GABPB2: variants seen among roughly 807,000 people sequenced by gnomAD.
GABPB2 encodes the protein GA binding protein transcription factor subunit beta 2.
In GABPB2, 23 loss-of-function variants were observed where a neutral mutation model predicts 39.1. The observed-to-expected ratio is 0.59, with a 90% CI of 0.42 to 0.83. The LOEUF (loss-of-function observed/expected upper bound fraction) is 0.83, where lower values mean the gene tolerates loss of function less well. Ranked by LOEUF, GABPB2 falls within the 40% of genes least tolerant of loss-of-function variation. The pLI, the probability that GABPB2 is intolerant of heterozygous loss-of-function variation, is 0.00. For synonymous variants in GABPB2, 184 were observed against 199.3 expected, an observed-to-expected ratio of 0.92 and a Z score of 0.65; for missense variants, 467 against 541.1, an observed-to-expected ratio of 0.86 and a Z score of 1.36.
At chr1:151,100,143 CTTT>C (rs587754459) in intron 5 of GABPB2, among the ~76,000 whole-genome samples, 6 of 138,832 alleles carry the variant, frequency 4.3e-5, no homozygotes, top group Admixed American at 1.4e-4. Flanking sequence ...ATTAAAACAA[CTTT>C]TTTTTTTTTT....
At position 151,122,925 on chromosome 1, in the gene GABPB2, C is replaced by T. The variant is rs1298057581; in HGVS notation, c.*4669C>T. On this transcript the variant is annotated 3_prime_UTR_variant, in exon 9 of 9. Transcript: ENST00000368918. Reference sequence around the variant, plus strand: ...TTACTCGGAACGGTCCTCTTGGCATCCCAGATAAGGGAAATAGGATTTGAT... The same window carrying T: ...TTACTCGGAACGGTCCTCTTGGCATTCCAGATAAGGGAAATAGGATTTGAT... 2 of 151,854 alleles carry T rather than the reference C, an allele frequency of 1.3e-5. No homozygotes were observed. Among genetic ancestry groups the T allele is most frequent in the African/African-American group, 4.8e-5 (2 of 41,336 alleles). The allele number at this position is 151,854 out of a possible 1,614,324, so 9.4% of individuals were successfully genotyped here.
At chr1:151,104,758 A>ACTTTCTTTCTTTCT (rs1371571135) in intron 6 of GABPB2, among the ~76,000 whole-genome samples, 1 of 92,558 alleles carries the variant, frequency 1.1e-5, no homozygotes, top group Non-Finnish European at 2.4e-5. Context: ...TCTATCTGTG[A>ACTTTCTTTCTTTCT]CTCTTTCTTT....
intron 4 of GABPB2, among the ~76,000 whole-genome samples, chr1:151,096,730 T>C (rs1372853385): frequency 1.3e-5 from 2 of 152,184 alleles, no homozygotes; most frequent in African/African-American, 2.4e-5. Context: ...TTGTTATATA[T>C]TCTCTCAGGA....
intron 1 of GABPB2, 46 bp downstream of exon 1, chr1:151,070,980 C>G (rs1676655506): frequency 6.6e-6 from 1 of 152,124 alleles, no homozygotes; most frequent in African/African-American, 2.4e-5. Flanking sequence ...GGCGTCAGGG[C>G]TGGAAAGGAA....
rs888755509 is a variant in GABPB2 at position 151,122,394 on chromosome 1, T to C, written c.*4138T>C. ...AATCTTTTCCTGTTTGCAATGTTTT[T>C]ATTTTTTCTGAGTCCCTTTGGGAAC... On this transcript the variant is annotated 3_prime_UTR_variant, in exon 9 of 9. Transcript: ENST00000368918. The C allele has an allele frequency of 7.2e-5, 11 of 152,198 alleles. No homozygotes were observed. Among genetic ancestry groups the C allele is most frequent in the Non-Finnish European group, 1.5e-4 (10 of 68,036 alleles). 9.4% of individuals were successfully genotyped at this position (152,198 alleles called of 1,614,324 possible). A position where few individuals can be genotyped will look rare whatever the true frequency, so the allele number is the denominator to read the frequency against.
rs1476591871 is a variant in GABPB2 at position 151,090,464 on chromosome 1, T to C, written c.167T>C (p.Val56Ala). The change falls in exon 3 of 9, where the codon GTA (valine) becomes GCA (alanine). Residue 56 changes from valine (V) to alanine (A), a missense_variant. Transcript: ENST00000368918. The part of the protein sequence containing the change: ...AQYGHYSTAE[V>A]LLRAGVSRDA... ...TATGGTCATTATTCCACAGCAGAAGTACTCCTTCGAGCAGGTGTTAGCAGG... is the reference window on the plus strand; with the variant it reads ...TATGGTCATTATTCCACAGCAGAAGCACTCCTTCGAGCAGGTGTTAGCAGG... 5.0e-6 allele frequency: 8 copies of C among 1,613,960 alleles called. No homozygotes were observed. The highest frequency in any genetic ancestry group is 3.3e-4 in the Middle Eastern group (2 of 6,084).
intron 1 of GABPB2, among the ~76,000 whole-genome samples, chr1:151,085,769 C>T (rs997352695): frequency 6.6e-6 from 1 of 152,134 alleles, no homozygotes; most frequent in African/African-American, 2.4e-5. Flanking sequence ...GTTATTTTAG[C>T]TTGTAACTTA....
chr1:151,080,583 C>T (rs1321492628), intron 1 of GABPB2, among the ~76,000 whole-genome samples: 1 of 150,770 alleles, frequency 6.6e-6, no homozygotes, highest in African/African-American at 2.4e-5. Context: ...TACAGTGGCT[C>T]ACGCCTGTAA....
chr1:151,105,470 A>C (rs1056255077), intron 6 of GABPB2, among the ~76,000 whole-genome samples: 4 of 149,170 alleles, frequency 2.7e-5, no homozygotes, highest in African/African-American at 9.8e-5. Flanking sequence ...TATTTGATAT[A>C]CATTTAATAT....
intron 7 of GABPB2, among the ~76,000 whole-genome samples, chr1:151,117,098 T>A (rs1376417459): frequency 1.3e-5 from 2 of 152,196 alleles, no homozygotes; most frequent in Non-Finnish European, 2.9e-5. Flanking sequence ...ATGCCTTACC[T>A]GTTGATTCGA....
chr1:151,098,088 C>A, intron 5 of GABPB2, 86 bp downstream of exon 5: 2 of 1,067,200 alleles, frequency 1.9e-6, no homozygotes, highest in Non-Finnish European at 1.4e-6. Flanking sequence ...GATACCCTTT[C>A]TAATACTCCT....
chr1:151,094,602 G>A (rs1678970705), intron 4 of GABPB2, among the ~76,000 whole-genome samples: 1 of 150,986 alleles, frequency 6.6e-6, no homozygotes, highest in South Asian at 2.1e-4. Flanking sequence ...GCCTGCCTCG[G>A]CCTCCCAAAG....
At position 151,123,060 on chromosome 1, in the gene GABPB2, T is replaced by G. The variant is rs1381652830; in HGVS notation, c.*4804T>G. ...ATACCATTTCATGACTTTGCATATC[T>G]TTCTGGATTAGTCATGGAAGTTGGG... On this transcript the variant is annotated 3_prime_UTR_variant, in exon 9 of 9. Coordinates refer to ENST00000368918, the MANE Select transcript of GABPB2 (RefSeq NM_144618.3). 1 of 152,248 alleles carries G rather than the reference T, an allele frequency of 6.6e-6. No individual in the cohort carries two copies. Among genetic ancestry groups the G allele is most frequent in the African/African-American group, 2.4e-5 (1 of 41,470 alleles). 9.4% of individuals were successfully genotyped at this position (152,248 alleles called of 1,614,324 possible).
At position 151,120,526 on chromosome 1, in the gene GABPB2, G is replaced by T. The variant is rs1681145811; in HGVS notation, c.*2270G>T. ...ACTCAATTAAAAAAAAAATAGAAAA[G>T]AAAGAAAACTTGTTTATGTGGGAGG... is the stretch of plus-strand genomic sequence containing the variant. On this transcript the variant is annotated 3_prime_UTR_variant, in exon 9 of 9. Transcript: ENST00000368918. The T allele has an allele frequency of 6.6e-6, 1 of 151,920 alleles. No homozygotes were observed. Among genetic ancestry groups the T allele is most frequent in the Non-Finnish European group, 1.5e-5 (1 of 68,000 alleles). The allele number at this position is 151,920 out of a possible 1,614,324, so 9.4% of individuals were successfully genotyped here.
intron 1 of GABPB2, among the ~76,000 whole-genome samples, chr1:151,077,156 C>T (rs886631855): frequency 2.0e-5 from 3 of 151,830 alleles, no homozygotes; most frequent in South Asian, 2.1e-4. Flanking sequence ...AACTTTGTTC[C>T]GTAAAAGGAA....
intron 2 of GABPB2, among the ~76,000 whole-genome samples, chr1:151,090,064 T>G (rs1453182795): frequency 6.6e-6 from 1 of 151,928 alleles, no homozygotes; most frequent in Non-Finnish European, 1.5e-5. Flanking sequence ...CTCAGCCTCC[T>G]GAGTAGCTGG....
rs1016665367 is a variant in GABPB2 at position 151,119,543 on chromosome 1, T to C, written c.*1287T>C. ...TCACAAGGTCAAGAGATTAAGATCA[T>C]CCTGGCCAACATGGTGACACCCCGT... On this transcript the variant is annotated 3_prime_UTR_variant, in exon 9 of 9. Coordinates refer to ENST00000368918, the MANE Select transcript of GABPB2 (RefSeq NM_144618.3). 1 of 152,112 alleles carries C rather than the reference T, an allele frequency of 6.6e-6. No homozygotes were observed. The highest frequency in any genetic ancestry group is 2.4e-5 in the African/African-American group (1 of 41,386). 9.4% of individuals were successfully genotyped at this position (152,112 alleles called of 1,614,324 possible).
intron 3 of GABPB2, among the ~76,000 whole-genome samples, chr1:151,091,524 G>T (rs1003402453): frequency 7.4e-6 from 1 of 135,914 alleles, no homozygotes; most frequent in African/African-American, 2.7e-5. Context: ...GCCCAGGCTC[G>T]AGTGCGGTGG....
chr1:151,111,766 C>A (rs934959624), intron 7 of GABPB2: 7 of 149,986 alleles, frequency 4.7e-5, no homozygotes, highest in African/African-American at 1.7e-4. Context: ...GAACTCCTGA[C>A]CTTGTGACCC....
Sources: gnomAD v4.1 joint callset for allele counts (sites outside exome capture counted in the v4.1 genomes callset) on GRCh38, gnomAD v4.1.1 for gene constraint, MANE v1.5 for transcripts, NCBI Gene and HGNC (gene_info 2026-07-23, HGNC 2026-07-21) for gene names.